The following POLR2G variants were observed in gnomAD, a reference collection of about 807,000 sequenced individuals.
POLR2G encodes the protein DNA-directed RNA polymerase II subunit RPB7.
A neutral mutation model predicts 25.7 loss-of-function variants in POLR2G; 19 were observed. That is an observed-to-expected ratio of 0.74 (90% CI 0.52 to 1.08). The LOEUF (loss-of-function observed/expected upper bound fraction) is 1.08. POLR2G is among the 50% of genes least tolerant of loss of function. POLR2G has a pLI of 0.00. For synonymous variants in POLR2G, 79 were observed against 76.0 expected, an observed-to-expected ratio of 1.04 and a Z score of -0.21; for missense variants, 123 against 218.5, an observed-to-expected ratio of 0.56 and a Z score of 2.76.
Position 62,765,591 on chromosome 11 carries a change from G to T in POLR2G, c.400-62G>T, listed in dbSNP as rs1280840620. Reference sequence around the variant, plus strand: ...TATGCCCCCGGGCTTACAGTGAAGTGATTGTGATGTAACTTCTCATAAACT... The same window carrying T: ...TATGCCCCCGGGCTTACAGTGAAGTTATTGTGATGTAACTTCTCATAAACT... On this transcript the variant is annotated intron_variant, in intron 5 of 7. Transcript: ENST00000301788. 5 of 1,237,646 alleles carry T rather than the reference G, an allele frequency of 4.0e-6. No homozygotes were observed. In the African/African-American group the frequency reaches 7.4e-5, roughly 18 times the overall value. The allele number at this position is 1,237,646 out of a possible 1,614,324, so 76.7% of individuals were successfully genotyped here.
Position 62,762,883 on chromosome 11 carries a change from G to A in POLR2G, c.139G>A (p.Ala47Thr). The change falls in exon 3 of 8, where the codon GCT becomes ACT. Residue 47 changes from alanine (A) to threonine (T), a missense_variant. Coordinates refer to ENST00000301788, the MANE Select transcript of POLR2G (RefSeq NM_002696.3). ...TCCTTGCAGGTATGGCTTTGTAATT[G>A]CTGTCACCACCATTGACAATATTGG... ...TCTGKYGFVI[A>T]VTTIDNIGAG... is the part of the protein sequence containing the mutation. The A allele has an allele frequency of 1.3e-6, 2 of 1,594,720 alleles. No individual in the cohort carries two copies. Among genetic ancestry groups the A allele is most frequent in the Non-Finnish European group, 1.7e-6 (2 of 1,165,962 alleles).
chr11:62,766,317 A>G, intron 7 of POLR2G, 41 bp downstream of exon 7: 3 of 1,597,016 alleles, frequency 1.9e-6, no homozygotes, highest in Non-Finnish European at 2.6e-6. Context: ...TTGCCTGGAG[A>G]AGGGATGTGT....
At chr11:62,764,961 C>T (rs1410945984) in intron 3 of POLR2G, among the ~76,000 whole-genome samples, 3 of 151,804 alleles carry the variant, frequency 2.0e-5, no homozygotes, top group South Asian at 2.1e-4. Flanking sequence ...TGGGTTCAAA[C>T]GATTCTCCTG....
intron 2 of POLR2G, chr11:62,762,618 C>CT: frequency 1.7e-6 from 1 of 594,356 alleles, no homozygotes; most frequent in Non-Finnish European, 3.2e-6. Flanking sequence ...AGATTGAGAT[C>CT]TGTTGCCTCA....
intron 3 of POLR2G, 105 bp downstream of exon 3, chr11:62,763,131 T>A: frequency 8.9e-6 from 3 of 336,770 alleles, no homozygotes; most frequent in Non-Finnish European, 1.5e-5. Context: ...TCACTTCACT[T>A]TTTTTTTTTT....
Position 62,765,322 on chromosome 11 carries a change from A to T in POLR2G, c.334-18A>T, listed in dbSNP as rs775047075. 6.8e-6 allele frequency: 11 copies of T among 1,609,858 alleles called. No homozygotes were observed. The Admixed American group carries it at 1.7e-4, about 24-fold the overall frequency. ...GCATCCATTTAAAGTGCTAACCTAG[A>T]TCTCACTTTCCTTTCAGTCCATCCC... On this transcript the variant is annotated intron_variant, in intron 4 of 7. Coordinates refer to ENST00000301788, the MANE Select transcript of POLR2G (RefSeq NM_002696.3).
At position 62,761,825 on chromosome 11, in the gene POLR2G, C is replaced by T. The variant is rs754194796; in HGVS notation, c.43C>T (p.Pro15Ser). The T allele has an allele frequency of 6.2e-7, 1 of 1,613,904 alleles. No individual in the cohort carries two copies. Among genetic ancestry groups the T allele is most frequent in the Admixed American group, 1.7e-5 (1 of 60,004 alleles). The change falls in exon 2 of 8, where the codon CCG becomes TCG. Residue 15 changes from proline to serine, a missense_variant. Pro to Ser is a moderately conservative substitution (Grantham distance 74). Transcript: ENST00000301788. Reference protein sequence around the residue: ...ISLEHEILLHPRYFGPNLLNT... With the variant: ...ISLEHEILLHSRYFGPNLLNT... ...CCTAGAGCACGAAATCCTGCTGCAC[C>T]CGCGCTACTTCGGCCCCAACTTGCT...
intron 5 of POLR2G, 108 bp downstream of exon 5, chr11:62,765,513 C>G (rs903440249): frequency 9.0e-7 from 1 of 1,115,334 alleles, no homozygotes; most frequent in African/African-American, 1.5e-5. Flanking sequence ...ATTACCATGG[C>G]TTGATTCATG....
Position 62,765,729 on chromosome 11 carries a change from G to A in POLR2G, c.471+5G>A. ...CGTGTGGACAAGAATGACATTGTGA[G>A]TCTTTTCCCCACCTCTCTACCTATA... On this transcript the variant is annotated splice_donor_5th_base_variant and intron_variant, in intron 6 of 7. Transcript: ENST00000301788. 6.4e-7 allele frequency: 1 copy of A among 1,557,780 alleles called. No individual in the cohort carries two copies. The highest frequency in any genetic ancestry group is 1.7e-5 in the Admixed American group (1 of 59,918).
intron 2 of POLR2G, 127 bp downstream of exon 2, chr11:62,762,031 G>C: frequency 1.5e-6 from 1 of 679,448 alleles, no homozygotes; most frequent in African/African-American, 1.8e-5. Context: ...CTCTCAGGCA[G>C]CCAGTTGCTT....
At chr11:62,762,139 A>T (rs2084092349) in intron 2 of POLR2G, 1 of 548,280 alleles carries the variant, frequency 1.8e-6, no homozygotes, top group Non-Finnish European at 3.3e-6. Context: ...CAAACATTTT[A>T]AAAACCCTTG....
chr11:62,762,233 G>C (rs1218979923), intron 2 of POLR2G: 2 of 327,554 alleles, frequency 6.1e-6, no homozygotes, highest in African/African-American at 4.2e-5. Context: ...GGAGCTCACA[G>C]TGTAATCATT....
intron 3 of POLR2G, among the ~76,000 whole-genome samples, chr11:62,763,907 A>C (rs1230029432): frequency 6.6e-6 from 1 of 151,698 alleles, no homozygotes; most frequent in Non-Finnish European, 1.5e-5. Flanking sequence ...ATGCCCAGCT[A>C]ATTTTTGTAT....
chr11:62,765,660 T>A lies in POLR2G; in HGVS notation c.407T>A (p.Val136Glu). 6.2e-7 allele frequency: 1 copy of A among 1,607,936 alleles called. No individual in the cohort carries two copies. Among genetic ancestry groups the A allele is most frequent in the Non-Finnish European group, 8.5e-7 (1 of 1,174,360 alleles). The part of the protein sequence containing the change: ...PCYKTMDEDI[V>E]IQQDDEIRLK... ...GTTCCCTCCTCTCCTCAGGATATTG[T>A]GATTCAGCAGGACGATGAGATCCGC... The change falls in exon 6 of 8, where the codon GTG becomes GAG. Residue 136 changes from valine (V) to glutamate (E), a missense_variant. Physicochemically the swap from Val to Glu is moderately radical, Grantham distance 121. Transcript: ENST00000301788.
At chr11:62,765,810 C>T (rs2084112886) in intron 6 of POLR2G, 86 bp downstream of exon 6, 13 of 777,220 alleles carry the variant, frequency 1.7e-5, no homozygotes, top group African/African-American at 3.7e-5. Flanking sequence ...TTTTTTGAGA[C>T]GGAGTCTTGC....
chr11:62,761,690 C>T (rs750811266), intron 1 of POLR2G, 30 bp downstream of exon 1: 4 of 1,611,212 alleles, frequency 2.5e-6, no homozygotes, highest in Non-Finnish European at 2.5e-6. Context: ...GCGGCAAGGG[C>T]TGGGTGGAAA....
In POLR2G at chr11:62,766,597, G is replaced by A. The variant is rs1458592579; in HGVS notation, c.*90G>A. On this transcript the variant is annotated 3_prime_UTR_variant, in exon 8 of 8. Coordinates refer to ENST00000301788, the MANE Select transcript of POLR2G (RefSeq NM_002696.3). The stretch of plus-strand genomic sequence containing the variant: ...CCAGAGGTCCAGTCTGGCTGCTGTT[G>A]TGGAGGCAAGGAAGGCAACTCATCC... The A allele has an allele frequency of 3.1e-6, 4 of 1,293,566 alleles. No homozygotes were observed. The highest frequency in any genetic ancestry group is 3.6e-5 in the Admixed American group (2 of 56,278). The allele number at this position is 1,293,566 out of a possible 1,614,324, so 80.1% of individuals were successfully genotyped here. A position where few individuals can be genotyped will look rare whatever the true frequency, so the allele number is the denominator to read the frequency against.
rs2084110502 is a variant in POLR2G, at chr11:62,765,403, G to T, written c.397G>T (p.Glu133Ter). 8.1e-6 allele frequency: 13 copies of T among 1,610,006 alleles called. No individual in the cohort carries two copies. The highest frequency in any genetic ancestry group is 1.7e-5 in the Admixed American group (1 of 59,978). ...SNPPCYKTMD[E>*]DIVIQQDDEI... ...CCCACCATGTTACAAGACAATGGAT[G>T]AGGTGAGTGGACAGAAAGAAGTCAG... Residue 133 changes from glutamate to a stop codon, truncating the protein, a stop_gained and splice_region_variant, in exon 5 of 8, where the codon GAG becomes TAG. Coordinates refer to ENST00000301788, the MANE Select transcript of POLR2G (RefSeq NM_002696.3). LOFTEE classifies it high-confidence loss of function.
Position 62,765,724 on chromosome 11 carries a change from TGTGA to T in POLR2G, c.471+3_471+6del. ...GGACCCGTGTGGACAAGAATGACAT[TGTGA>T]GTCTTTTCCCCACCTCTCTACCTAT... On this transcript the variant is annotated splice_donor_variant and splice_donor_region_variant and intron_variant, in intron 6 of 7. Transcript: ENST00000301788. LOFTEE classifies it high-confidence loss of function. The T allele has an allele frequency of 6.3e-7, 1 of 1,580,934 alleles. No individual in the cohort carries two copies.
Sources: gnomAD v4.1 joint callset for allele counts (sites outside exome capture counted in the v4.1 genomes callset) on GRCh38, gnomAD v4.1.1 for gene constraint, MANE v1.5 for transcripts, NCBI Gene and HGNC (gene_info 2026-07-23, HGNC 2026-07-21) for gene names.